DYNLT2B: variants seen among roughly 807,000 people sequenced by gnomAD.
The protein encoded by DYNLT2B is dynein light chain Tctex-type 2B.
Under a neutral mutation model 19.5 loss-of-function variants are expected in DYNLT2B, and 14 were observed. That is an observed-to-expected ratio of 0.72 (90% CI 0.47 to 1.12). DYNLT2B has a LOEUF of 1.12. DYNLT2B is among the 50% of genes most tolerant of loss of function. The pLI, the probability that DYNLT2B is intolerant of heterozygous loss-of-function variation, is 0.00. For missense variants in DYNLT2B, 133 were observed against 174.7 expected, an observed-to-expected ratio of 0.76 and a Z score of 1.35; for synonymous variants, 70 against 59.7, an observed-to-expected ratio of 1.17 and a Z score of -0.79.
chr3:196,313,876 T>C (rs1726703820), intron 2 of DYNLT2B, among the ~76,000 whole-genome samples: 1 of 152,074 alleles, frequency 6.6e-6, no homozygotes, highest in Admixed American at 6.6e-5. Context: ...GGCGGACGGA[T>C]CACCTGAGGT....
At chr3:196,311,082 G>A (rs1030601986) in intron 2 of DYNLT2B, among the ~76,000 whole-genome samples, 4 of 151,994 alleles carry the variant, frequency 2.6e-5, no homozygotes, top group Admixed American at 6.6e-5. Context: ...GAAAGACCAC[G>A]GCCCTAGGGA....
intron 3 of DYNLT2B, among the ~76,000 whole-genome samples, chr3:196,297,731 G>T (rs150531195): frequency 6.6e-6 from 1 of 152,248 alleles, no homozygotes; most frequent in Non-Finnish European, 1.5e-5. Context: ...TGTGACAAAT[G>T]AGGATTAGAG....
Position 196,299,745 on chromosome 3 carries a change from C to T in DYNLT2B, c.318-3676G>A, listed in dbSNP as rs183027992. On this transcript the variant is annotated intron_variant, in intron 3 of 4. Transcript: ENST00000325318. ...AGGAGATCGAGACCATCCTGGCTAA[C>T]GTGGTGAAACCCCGTCTCTACTAAA... Among the ~76,000 whole-genome samples the T allele has an allele frequency of 2.3e-3, 356 of 151,898 alleles. 3 individuals are homozygous for T. The highest frequency in any genetic ancestry group is 7.7e-3 in the African/African-American group (319 of 41,426).
chr3:196,309,140 G>T lies in DYNLT2B; in HGVS notation c.248-2128C>A, dbSNP rs1003574320. On this transcript the variant is annotated intron_variant, in intron 2 of 4. Coordinates refer to ENST00000325318, the MANE Select transcript of DYNLT2B (RefSeq NM_152773.5). ...CAAAGAAGAACAAAGCTTCTGCTGG[G>T]TGCCATGGCTCACGCCTGTAATCCC... 5.3e-5 allele frequency among the ~76,000 whole-genome samples: 8 copies of T among 152,246 alleles called. No homozygotes were observed. The East Asian group carries it at 1.5e-3, about 29-fold the overall frequency.
chr3:196,298,239 C>T (rs1268652553), intron 3 of DYNLT2B: 4 of 246,632 alleles, frequency 1.6e-5, no homozygotes, highest in Non-Finnish European at 3.3e-5. Flanking sequence ...ATCAAGCACA[C>T]ACCACAAGAG....
rs200500616 is a variant in DYNLT2B, at chr3:196,315,230, GT to G, written c.247+867del. 1,379 of 416,234 alleles carry G rather than the reference GT, an allele frequency of 3.3e-3. 18 individuals carry two copies. Among genetic ancestry groups the G allele is most frequent in the African/African-American group, 0.028 (1,281 of 46,182 alleles). 25.8% of individuals were successfully genotyped at this position (416,234 alleles called of 1,614,324 possible). ...AATCCACAGCTAACATTCTATTTAC[GT>G]TTTTTTAATAGAGATGTTTTATTTT... On this transcript the variant is annotated intron_variant, in intron 2 of 4. Coordinates refer to ENST00000325318, the MANE Select transcript of DYNLT2B (RefSeq NM_152773.5).
Position 196,310,592 on chromosome 3 carries a change from C to G in DYNLT2B, c.248-3580G>C, listed in dbSNP as rs1308390100. ...TACAGGCACGCACCACCATACCTGG[C>G]TAAATTTTATATTTTAGTAGAGACA... On this transcript the variant is annotated intron_variant, in intron 2 of 4. Coordinates refer to ENST00000325318, the MANE Select transcript of DYNLT2B (RefSeq NM_152773.5). 1.2e-4 allele frequency among the ~76,000 whole-genome samples: 18 copies of G among 150,780 alleles called. No individual in the cohort carries two copies. In the Admixed American group the frequency reaches 1.2e-3, roughly 10 times the overall value.
chr3:196,308,968 AG>A (rs1560190958), intron 2 of DYNLT2B, among the ~76,000 whole-genome samples: 1 of 152,190 alleles, frequency 6.6e-6, no homozygotes, highest in Non-Finnish European at 1.5e-5. Flanking sequence ...ACATCATATC[AG>A]AGCAATTAAA....
chr3:196,306,075 A>G (rs1204211557), intron 3 of DYNLT2B, among the ~76,000 whole-genome samples: 1 of 152,070 alleles, frequency 6.6e-6, no homozygotes, highest in African/African-American at 2.4e-5. Context: ...ACCAAATGCA[A>G]TGTGTGGACC....
chr3:196,305,036 C>A (rs917629979), intron 3 of DYNLT2B, among the ~76,000 whole-genome samples: 2 of 152,136 alleles, frequency 1.3e-5, no homozygotes, highest in Non-Finnish European at 2.9e-5. Flanking sequence ...GCGTGTGCCA[C>A]CATGCCCGGC....
chr3:196,298,610 G>A (rs924959906), intron 3 of DYNLT2B, among the ~76,000 whole-genome samples: 3 of 151,924 alleles, frequency 2.0e-5, no homozygotes, highest in Admixed American at 2.0e-4. Context: ...TGGAAAAAGT[G>A]TAATGGTACA....
chr3:196,295,109 TG>T (rs1379419893), intron 4 of DYNLT2B, among the ~76,000 whole-genome samples: 5 of 152,144 alleles, frequency 3.3e-5, no homozygotes, highest in African/African-American at 1.2e-4. Flanking sequence ...ATTCACAACC[TG>T]GGAGTAGACG....
intron 2 of DYNLT2B, 94 bp downstream of exon 2, chr3:196,316,004 C>T: frequency 2.9e-6 from 4 of 1,400,164 alleles, no homozygotes; most frequent in Non-Finnish European, 3.9e-6. Flanking sequence ...CACACCTGGC[C>T]CCAATGTCCT....
chr3:196,292,999 G>A lies in DYNLT2B; in HGVS notation c.382-1625C>T, dbSNP rs147072290. 3.0e-3 allele frequency among the ~76,000 whole-genome samples: 452 copies of A among 152,154 alleles called. 4 individuals carry two copies. The highest frequency in any genetic ancestry group is 0.01 in the African/African-American group (430 of 41,538). ...CTCCCAAGTAGCTGGGACTACAGGC[G>A]CCCGCCACCTTGCCCGGCTAGTTTT... On this transcript the variant is annotated intron_variant, in intron 4 of 4. Coordinates refer to ENST00000325318, the MANE Select transcript of DYNLT2B (RefSeq NM_152773.5).
chr3:196,293,646 A>AT (rs533399548), intron 4 of DYNLT2B, among the ~76,000 whole-genome samples: 34,392 of 118,650 alleles, frequency 0.29, 5,619 homozygotes, highest in Middle Eastern at 0.4. Flanking sequence ...AACAAGATGC[A>AT]TTTTTTTTTT....
At position 196,296,055 on chromosome 3, in the gene DYNLT2B, CAG is replaced by C. The variant is rs1560185991; in HGVS notation, c.330_331del (p.Cys111PhefsTer5). The C allele has an allele frequency of 6.2e-7, 1 of 1,613,846 alleles. No homozygotes were observed. The highest frequency in any genetic ancestry group is 8.5e-7 in the Non-Finnish European group (1 of 1,179,858). ...GTTGTCAGTGTCAGCATCCCAGAAACAGCGAGAAGCCATGCTAAAAAATCCAA... is the reference window on the plus strand; with the variant it reads ...GTTGTCAGTGTCAGCATCCCAGAAACCGAGAAGCCATGCTAAAAAATCCAA... On this transcript the variant is annotated frameshift_variant, in exon 4 of 5. Coordinates refer to ENST00000325318, the MANE Select transcript of DYNLT2B (RefSeq NM_152773.5). LOFTEE classifies it high-confidence loss of function.
intron 3 of DYNLT2B, among the ~76,000 whole-genome samples, chr3:196,303,924 G>A (rs562638319): frequency 1.3e-5 from 2 of 152,136 alleles, no homozygotes; most frequent in African/African-American, 4.8e-5. Context: ...TTGGGAAGCC[G>A]AGGCAGGAGG....
chr3:196,309,097 G>A (rs2108795527), intron 2 of DYNLT2B, among the ~76,000 whole-genome samples: 1 of 152,226 alleles, frequency 6.6e-6, no homozygotes. Context: ...AGATGCAATA[G>A]CAAAAACAAA....
intron 2 of DYNLT2B, among the ~76,000 whole-genome samples, chr3:196,311,974 C>T (rs2108796796): frequency 6.6e-6 from 1 of 152,310 alleles, no homozygotes; most frequent in Admixed American, 6.5e-5. Flanking sequence ...TCACTGCAAC[C>T]TCTGCCTCCT....
Sources: gnomAD v4.1 joint callset for allele counts (sites outside exome capture counted in the v4.1 genomes callset) on GRCh38, gnomAD v4.1.1 for gene constraint, MANE v1.5 for transcripts, NCBI Gene and HGNC (gene_info 2026-07-23, HGNC 2026-07-21) for gene names.